CAST: variants seen among roughly 807,000 people sequenced by gnomAD.
CAST encodes the protein MIR583 host.
A neutral mutation model predicts 119.6 loss-of-function variants in CAST; 76 were observed. The ratio of observed to expected loss-of-function variants is 0.64; its 90% confidence interval spans 0.53 to 0.77. The LOEUF is 0.77. CAST is among the 30% of genes least tolerant of loss of function. The pLI, the probability that CAST is intolerant of heterozygous loss-of-function variation, is 0.00. For synonymous variants in CAST, 319 were observed against 331.6 expected (o/e 0.96, Z 0.41); for missense variants, 953 against 946.5 (o/e 1.01, Z -0.09).
chr5:96,732,618 A>G (rs1223761333), intron 9 of CAST, among the ~76,000 whole-genome samples: 2 of 151,896 alleles, frequency 1.3e-5, no homozygotes, highest in African/African-American at 4.8e-5. Context: ...GTTTTCTTCT[A>G]GGGTTTTTAT....
rs543515461 is a variant in CAST, at chr5:96,557,030, C to A, written c.60+27150C>A. ...GATCTCTCGGCAGAAACTCTACAAG[C>A]CAGAAGACAGTGGCAGCCAATACTC... On this transcript the variant is annotated intron_variant, in intron 1 of 11. Coordinates refer to the CAST transcript ENST00000505143. Among the ~76,000 whole-genome samples, 17 of 152,150 alleles carry A rather than the reference C, an allele frequency of 1.1e-4. 1 individual carries two copies. The highest frequency in any genetic ancestry group is 1.9e-4 in the East Asian group (1 of 5,178).
At chr5:96,009,741 G>T in the CAST span, among the ~76,000 whole-genome samples, 5 of 152,056 alleles carry the variant, frequency 3.3e-5, no homozygotes, top group African/African-American at 1.2e-4. Flanking sequence ...CATTCTGTAG[G>T]TTATCTGTTT....
At chr5:95,982,124 G>A in the CAST span, among the ~76,000 whole-genome samples, 2 of 150,290 alleles carry the variant, frequency 1.3e-5, no homozygotes, top group Non-Finnish European at 3.0e-5. Flanking sequence ...TATAAAATAA[G>A]CATTTTACTG....
At chr5:96,616,174 C>A (rs560715318) in intron 1 of CAST, among the ~76,000 whole-genome samples, 2 of 152,328 alleles carry the variant, frequency 1.3e-5, no homozygotes, top group South Asian at 4.1e-4. Flanking sequence ...CACAGATACA[C>A]CCAGGATCGA....
At chr5:96,317,045 A>G in the CAST span, among the ~76,000 whole-genome samples, 1 of 152,220 alleles carries the variant, frequency 6.6e-6, no homozygotes, top group Non-Finnish European at 1.5e-5. Flanking sequence ...AGGCCTCTGT[A>G]TAAAAGATAC....
the CAST span, among the ~76,000 whole-genome samples, chr5:96,142,628 A>G: frequency 6.6e-6 from 1 of 152,218 alleles, no homozygotes; most frequent in Non-Finnish European, 1.5e-5. Flanking sequence ...GTCATTGAAT[A>G]TATTTTCTTC....
the CAST span, among the ~76,000 whole-genome samples, chr5:95,976,592 A>T: frequency 2.0e-5 from 3 of 152,098 alleles, no homozygotes; most frequent in Non-Finnish European, 4.4e-5. Flanking sequence ...ATACACTCCT[A>T]TCTCTTGTTT....
the CAST span, among the ~76,000 whole-genome samples, chr5:96,244,039 T>A: frequency 6.6e-6 from 1 of 152,182 alleles, no homozygotes; most frequent in Non-Finnish European, 1.5e-5. Context: ...CAGAGTGACG[T>A]TAAGGTTAGA....
chr5:96,621,969 CTTTT>C (rs35728460), intron 1 of CAST, among the ~76,000 whole-genome samples: 2 of 113,702 alleles, frequency 1.8e-5, no homozygotes, highest in Non-Finnish European at 1.7e-5. Context: ...CTTTTTTTCT[CTTTT>C]TTTTTTTTTT....
chr5:96,298,736 C>T, the CAST span, among the ~76,000 whole-genome samples: 1 of 152,076 alleles, frequency 6.6e-6, no homozygotes, highest in Non-Finnish European at 1.5e-5. Flanking sequence ...GCTTTTATAT[C>T]CTTTTCCATC....
At chr5:96,295,438 A>G in the CAST span, among the ~76,000 whole-genome samples, 85,826 of 152,008 alleles carry the variant, frequency 0.56, 24,806 homozygotes, top group South Asian at 0.62. Context: ...ATGGGATTTG[A>G]TAATGACATT....
At chr5:95,977,388 C>T in the CAST span, among the ~76,000 whole-genome samples, 37 of 152,372 alleles carry the variant, frequency 2.4e-4, no homozygotes, top group Middle Eastern at 6.8e-3. Context: ...TAATCACCTT[C>T]TAAAGGCTCT....
At chr5:96,182,604 C>G in the CAST span, among the ~76,000 whole-genome samples, 3 of 152,110 alleles carry the variant, frequency 2.0e-5, no homozygotes, top group African/African-American at 7.2e-5. Context: ...ATATAAATAT[C>G]AGATATAATG....
At chr5:96,413,791 A>G in the CAST span, among the ~76,000 whole-genome samples, 2 of 94,438 alleles carry the variant, frequency 2.1e-5, no homozygotes, top group African/African-American at 4.3e-5. Context: ...ACAGAGCAAG[A>G]CTCTGTCTCA....
At position 96,774,524 on chromosome 5, in the gene CAST, T is replaced by A; in HGVS notation, c.*1908T>A. Reference sequence around the variant, plus strand: ...AATTTTTTATTATCAAAAAGGTTTCTGCACATTGTTGTGGCAATATTGTAT... The same window carrying A: ...AATTTTTTATTATCAAAAAGGTTTCAGCACATTGTTGTGGCAATATTGTAT... On this transcript the variant is annotated 3_prime_UTR_variant, in exon 32 of 32. Transcript: ENST00000675179. 1.0e-6 allele frequency: 1 copy of A among 986,256 alleles called. No individual in the cohort carries two copies. Among genetic ancestry groups the A allele is most frequent in the South Asian group, 4.7e-5 (1 of 21,290 alleles). 61.1% of individuals were successfully genotyped at this position (986,256 alleles called of 1,614,324 possible). A position where few individuals can be genotyped will look rare whatever the true frequency, so the allele number is the denominator to read the frequency against.
the CAST span, among the ~76,000 whole-genome samples, chr5:96,272,692 A>T: frequency 6.6e-6 from 1 of 152,186 alleles, no homozygotes; most frequent in Non-Finnish European, 1.5e-5. Context: ...ATAGATCAGT[A>T]GGGTGACTAT....
At chr5:96,320,690 C>T in the CAST span, among the ~76,000 whole-genome samples, 2 of 148,774 alleles carry the variant, frequency 1.3e-5, no homozygotes, top group South Asian at 4.4e-4. Flanking sequence ...ACTTGCTGCT[C>T]CTCATCACTC....
chr5:96,053,292 T>G, the CAST span, among the ~76,000 whole-genome samples: 1 of 152,220 alleles, frequency 6.6e-6, no homozygotes, highest in Non-Finnish European at 1.5e-5. Flanking sequence ...CCCAGGGGAT[T>G]CTAATGTTCA....
chr5:95,967,643 C>T, the CAST span, among the ~76,000 whole-genome samples: 1 of 152,040 alleles, frequency 6.6e-6, no homozygotes, highest in Non-Finnish European at 1.5e-5. Context: ...GGAGTTTTCC[C>T]TCTTTGCTTG....
Sources: allele counts gnomAD v4.1 joint callset (sites outside exome capture counted in the v4.1 genomes callset), GRCh38; gene constraint gnomAD v4.1.1; transcripts MANE v1.5; gene names NCBI Gene and HGNC (gene_info 2026-07-23, HGNC 2026-07-21).